Variants in DPP6 observed in about 807,000 individuals in gnomAD.
DPP6 encodes the protein dipeptidyl peptidase like 6.
A neutral mutation model predicts 122.6 loss-of-function variants in DPP6; 69 were observed. The ratio of observed to expected loss-of-function variants is 0.56; its 90% CI spans 0.46 to 0.69. The LOEUF (loss-of-function observed/expected upper bound fraction) is 0.69. Among genes scored for constraint, DPP6 ranks in the 30% least tolerant of loss-of-function variants. The pLI is 0.00. For missense variants in DPP6, 928 were observed against 1,116.9 expected (o/e 0.83, Z 2.41); for synonymous variants, 418 against 433.1 (o/e 0.97, Z 0.43).
chr7:153,762,404 C>A, the DPP6 span, among the ~76,000 whole-genome samples: 1 of 152,300 alleles, frequency 6.6e-6, no homozygotes, highest in Admixed American at 6.6e-5. Flanking sequence ...ACCTATTCAT[C>A]AACTGCCAAT....
At chr7:154,578,131 T>C (rs1430331245) in intron 5 of DPP6, among the ~76,000 whole-genome samples, 3 of 152,352 alleles carry the variant, frequency 2.0e-5, no homozygotes, top group Non-Finnish European at 2.9e-5. Context: ...GAAAACCATT[T>C]CTTGAAACAG....
At chr7:153,993,177 G>A (rs1182068788) in intron 1 of DPP6, among the ~76,000 whole-genome samples, 1 of 152,146 alleles carries the variant, frequency 6.6e-6, no homozygotes, top group Admixed American at 6.5e-5. Context: ...TTTTGTCAAG[G>A]TTGTATCTGA....
chr7:153,757,779 G>A, the DPP6 span, among the ~76,000 whole-genome samples: 5 of 152,154 alleles, frequency 3.3e-5, no homozygotes, highest in African/African-American at 7.2e-5. Flanking sequence ...CCAACATGGC[G>A]AAACCCCATC....
chr7:154,726,812 T>C (rs1842088020), intron 7 of DPP6, among the ~76,000 whole-genome samples: 1 of 152,200 alleles, frequency 6.6e-6, no homozygotes, highest in Non-Finnish European at 1.5e-5. Flanking sequence ...TAAATATAAA[T>C]TCCAGTTTCC....
At chr7:154,163,390 T>C (rs1178279356) in intron 1 of DPP6, among the ~76,000 whole-genome samples, 1 of 152,252 alleles carries the variant, frequency 6.6e-6, no homozygotes, top group Non-Finnish European at 1.5e-5. Context: ...CTTTTTGTTG[T>C]AATTGTTTTT....
chr7:154,263,156 C>T (rs181017072), intron 1 of DPP6, among the ~76,000 whole-genome samples: 24 of 152,306 alleles, frequency 1.6e-4, no homozygotes, highest in Admixed American at 1.4e-3. Flanking sequence ...ACCTACCCCA[C>T]TCCCTTTCTA....
the DPP6 span, among the ~76,000 whole-genome samples, chr7:153,780,549 C>G: frequency 2.8e-4 from 42 of 152,288 alleles, no homozygotes; most frequent in Admixed American, 5.9e-4. Context: ...CACCTATTAA[C>G]ATCCTTGGAC....
At chr7:154,713,814 T>C (rs1272343178) in intron 7 of DPP6, among the ~76,000 whole-genome samples, 1 of 152,208 alleles carries the variant, frequency 6.6e-6, no homozygotes, top group African/African-American at 2.4e-5. Context: ...GTCTTGGTGA[T>C]TAACATTGGG....
intron 1 of DPP6, among the ~76,000 whole-genome samples, chr7:154,148,068 A>C (rs35193307): frequency 0.013 from 1,808 of 142,516 alleles, 2 homozygotes; most frequent in African/African-American, 0.052. Flanking sequence ...CGGACCGTGA[A>C]GGTGTCCTGG....
At chr7:154,834,188 C>G (rs1391685312) in intron 16 of DPP6, among the ~76,000 whole-genome samples, 3 of 152,008 alleles carry the variant, frequency 2.0e-5, no homozygotes, top group African/African-American at 7.3e-5. Context: ...CAGCTCCCAG[C>G]CGGGTGCAGT....
rs545241497 is a variant in DPP6, at chr7:154,063,524, G to T, written c.243+10461G>T. On this transcript the variant is annotated intron_variant, in intron 1 of 25. Transcript: ENST00000377770. ...CTCTTAAGACCCCCATCGCAGGAGGGGGAGGCACCCCCCGCGAGGGTGGGG... is the reference window on the plus strand; with the variant it reads ...CTCTTAAGACCCCCATCGCAGGAGGTGGAGGCACCCCCCGCGAGGGTGGGG... Among the ~76,000 whole-genome samples, 25 of 134,326 alleles carry T rather than the reference G, an allele frequency of 1.9e-4. 4 individuals carry two copies. The highest frequency in any genetic ancestry group is 1.1e-3 in the East Asian group (5 of 4,440). The allele number at this position is 134,326 out of a possible 152,430, so 88.1% of individuals were successfully genotyped here.
chr7:154,501,251 G>GA (rs34370522), intron 3 of DPP6, among the ~76,000 whole-genome samples: 35 of 151,082 alleles, frequency 2.3e-4, no homozygotes, highest in South Asian at 8.4e-4. Flanking sequence ...CAACATGATA[G>GA]AAAAAAAAAA....
chr7:154,248,971 A>C (rs755085463), intron 1 of DPP6, among the ~76,000 whole-genome samples: 1 of 152,260 alleles, frequency 6.6e-6, no homozygotes, highest in Admixed American at 6.5e-5. Context: ...ATGTCTTGGC[A>C]TGTGCCTCCT....
intron 3 of DPP6, among the ~76,000 whole-genome samples, chr7:154,528,905 G>A (rs1827627398): frequency 6.6e-6 from 1 of 152,212 alleles, no homozygotes; most frequent in Admixed American, 6.5e-5. Flanking sequence ...GGGAGACATG[G>A]TGGTGCTCCA....
At position 154,241,469 on chromosome 7, in the gene DPP6, A is replaced by G. The variant is rs1483272456; in HGVS notation, c.243+188406A>G. ...TGGCTATTTGGGAGGCGGAGGCAGG[A>G]GAATCGCTTGAACCCAGGAGAAGGA... On this transcript the variant is annotated intron_variant, in intron 1 of 25. Coordinates refer to ENST00000377770, the MANE Select transcript of DPP6 (RefSeq NM_130797.4). This position sits in a 1 kb window ranked among gnomAD's most constrained non-coding sequence, Gnocchi z 9.0. Among the ~76,000 whole-genome samples, 4 of 151,992 alleles carry G rather than the reference A, an allele frequency of 2.6e-5. No homozygotes were observed. The highest frequency in any genetic ancestry group is 5.9e-5 in the Non-Finnish European group (4 of 68,016).
At chr7:154,747,779 A>C (rs908734625) in intron 8 of DPP6, among the ~76,000 whole-genome samples, 1 of 152,262 alleles carries the variant, frequency 6.6e-6, no homozygotes, top group African/African-American at 2.4e-5. Flanking sequence ...CAATGCGGAG[A>C]CGGTGTCCAA....
chr7:154,277,369 AC>A lies in DPP6; in HGVS notation c.244-168844del, dbSNP rs554517570. Among the ~76,000 whole-genome samples, 637 of 152,370 alleles carry A rather than the reference AC, an allele frequency of 4.2e-3. 5 individuals are homozygous for A. Among genetic ancestry groups the A allele is most frequent in the African/African-American group, 0.015 (609 of 41,588 alleles). On this transcript the variant is annotated intron_variant, in intron 1 of 25. Coordinates refer to ENST00000377770, the MANE Select transcript of DPP6 (RefSeq NM_130797.4). ...AGTAAAAACAACAACAACAAAAAAA[AC>A]AATTGTCAATCAGACCAAAGGTAAT...
intron 1 of DPP6, among the ~76,000 whole-genome samples, chr7:154,208,160 C>T (rs917279212): frequency 2.6e-5 from 4 of 152,252 alleles, no homozygotes; most frequent in South Asian, 4.1e-4. Context: ...CCTTGATTTC[C>T]GGCAGTCACT....
At chr7:153,808,447 GTGTGTGTA>G in the DPP6 span, among the ~76,000 whole-genome samples, 1 of 151,978 alleles carries the variant, frequency 6.6e-6, no homozygotes, top group African/African-American at 2.4e-5. Flanking sequence ...GTGTGCGTGT[GTGTGTGTA>G]TGTGTGATGA....
Sources: allele counts gnomAD v4.1 joint callset (sites outside exome capture counted in the v4.1 genomes callset), GRCh38; gene constraint gnomAD v4.1.1; non-coding constraint Gnocchi (gnomAD v3.1); transcripts MANE v1.5; gene names NCBI Gene and HGNC (gene_info 2026-07-23, HGNC 2026-07-21).